EYA2: variants seen among roughly 807,000 people sequenced by gnomAD.
EYA2 encodes the protein protein phosphatase EYA2.
A neutral mutation model predicts 69.2 loss-of-function variants in EYA2; 31 were observed. That is an observed-to-expected ratio of 0.45 (90% confidence interval 0.34 to 0.60). The LOEUF (loss-of-function observed/expected upper bound fraction) is 0.60. Among genes scored for constraint, EYA2 ranks in the 20% least tolerant of loss-of-function variants. The probability of loss-of-function intolerance (pLI) is 0.02; values close to 1 mark genes in which losing one functional copy is unlikely to be tolerated. For missense variants in EYA2, 622 were observed against 701.2 expected, an observed-to-expected ratio of 0.89 and a Z score of 1.28; for synonymous variants, 257 against 279.4, an observed-to-expected ratio of 0.92 and a Z score of 0.80.
chr20:47,170,273 ATAAG>A (rs2034291578), intron 11 of EYA2, among the ~76,000 whole-genome samples: 1 of 152,134 alleles, frequency 6.6e-6, no homozygotes, highest in Non-Finnish European at 1.5e-5. Flanking sequence ...TCTCAAATGA[ATAAG>A]TGGTGTGTCT....
chr20:46,970,185 G>A (rs746108424), intron 1 of EYA2, among the ~76,000 whole-genome samples: 37 of 152,290 alleles, frequency 2.4e-4, no homozygotes, highest in Non-Finnish European at 4.0e-4. Context: ...ACTGAAGCGC[G>A]GTGAAAGTAC....
intron 1 of EYA2, among the ~76,000 whole-genome samples, chr20:46,929,241 T>G (rs954141265): frequency 1.3e-5 from 2 of 151,780 alleles, no homozygotes; most frequent in African/African-American, 2.4e-5. Context: ...CAAAACTAAC[T>G]TTGGAAGGAT....
chr20:47,057,498 A>C (rs6018248), intron 5 of EYA2, among the ~76,000 whole-genome samples: 49,357 of 142,418 alleles, frequency 0.35, 10,836 homozygotes, highest in African/African-American at 0.62. Context: ...TCTGCTGACT[A>C]CTTTTTATAT....
intron 5 of EYA2, among the ~76,000 whole-genome samples, chr20:47,063,176 C>T (rs961005613): frequency 7.9e-5 from 12 of 152,110 alleles, no homozygotes; most frequent in Admixed American, 2.6e-4. Flanking sequence ...ACATTTTCAT[C>T]GCCCCAAAAG....
intron 12 of EYA2, among the ~76,000 whole-genome samples, chr20:47,178,305 C>T (rs997969948): frequency 1.4e-4 from 20 of 145,436 alleles, no homozygotes; most frequent in African/African-American, 5.0e-4. Flanking sequence ...CACTGCACTC[C>T]AGCCTGGGTG....
rs143966436 is a variant in EYA2, at chr20:46,907,553, G to C, written c.-11+12566G>C. Among the ~76,000 whole-genome samples, 7 of 152,278 alleles carry C rather than the reference G, an allele frequency of 4.6e-5. No homozygotes were observed. The East Asian group carries it at 1.4e-3, about 29-fold the overall frequency. On this transcript the variant is annotated intron_variant, in intron 1 of 15. Transcript: ENST00000327619. ...TGGAGAGGAACACATAAAAACAAGC[G>C]TGAGGCCAGGCGCAGTGGCTCACAC... is the stretch of plus-strand genomic sequence containing the variant.
chr20:46,993,706 C>T (rs1488642593), intron 2 of EYA2, among the ~76,000 whole-genome samples: 2 of 152,148 alleles, frequency 1.3e-5, no homozygotes, highest in African/African-American at 2.4e-5. Flanking sequence ...GTATTTAGCA[C>T]GTTGCATAGT....
chr20:46,975,391 C>T (rs539162009), intron 1 of EYA2, among the ~76,000 whole-genome samples: 3 of 152,204 alleles, frequency 2.0e-5, no homozygotes, highest in South Asian at 2.1e-4. Context: ...AAGTTTTGGC[C>T]GGGCACAGTG....
chr20:47,119,653 G>A (rs964811843), intron 9 of EYA2, among the ~76,000 whole-genome samples: 3 of 152,180 alleles, frequency 2.0e-5, no homozygotes, highest in Non-Finnish European at 4.4e-5. Flanking sequence ...TAGGGACTGG[G>A]GGTAGTGGGG....
At chr20:47,152,750 G>A (rs1020908500) in intron 10 of EYA2, among the ~76,000 whole-genome samples, 10 of 151,418 alleles carry the variant, frequency 6.6e-5, no homozygotes, top group Non-Finnish European at 1.0e-4. Flanking sequence ...GGCAATGGTC[G>A]CGGTGAGCCG....
chr20:47,074,873 A>C (rs1600689363), intron 7 of EYA2, among the ~76,000 whole-genome samples: 2 of 152,146 alleles, frequency 1.3e-5, no homozygotes, highest in East Asian at 3.9e-4. Context: ...GCACTTTTGG[A>C]GGCTGAGGCG....
At chr20:47,149,461 T>C (rs1295377042) in intron 10 of EYA2, among the ~76,000 whole-genome samples, 2 of 151,934 alleles carry the variant, frequency 1.3e-5, no homozygotes, top group African/African-American at 4.8e-5. Flanking sequence ...CCCCATCCTC[T>C]TGGTTAAAAT....
chr20:47,055,376 G>T (rs1462498512), intron 5 of EYA2, among the ~76,000 whole-genome samples: 2 of 152,178 alleles, frequency 1.3e-5, no homozygotes, highest in Admixed American at 6.5e-5. Context: ...GTGATCCCCT[G>T]ATCTGTTTCC....
At chr20:46,906,665 A>C (rs1984372374) in intron 1 of EYA2, among the ~76,000 whole-genome samples, 1 of 152,222 alleles carries the variant, frequency 6.6e-6, no homozygotes, top group Non-Finnish European at 1.5e-5. Context: ...TACTATTCCC[A>C]GTTTAAGTGA....
At chr20:46,993,757 G>T (rs57414768) in intron 2 of EYA2, among the ~76,000 whole-genome samples, 1 of 152,122 alleles carries the variant, frequency 6.6e-6, no homozygotes, top group African/African-American at 2.4e-5. Flanking sequence ...AGGAGCATGA[G>T]GAATGCAAGA....
intron 4 of EYA2, among the ~76,000 whole-genome samples, chr20:47,012,792 C>A (rs1014142347): frequency 6.6e-6 from 1 of 152,158 alleles, no homozygotes; most frequent in East Asian, 1.9e-4. Flanking sequence ...CCGTACTGGG[C>A]CAAATTAAAA....
At chr20:47,157,944 A>G (rs747614274) in intron 10 of EYA2, among the ~76,000 whole-genome samples, 1 of 152,006 alleles carries the variant, frequency 6.6e-6, no homozygotes, top group Non-Finnish European at 1.5e-5. Flanking sequence ...ACATCACCCT[A>G]AAGCTGACAC....
chr20:47,156,253 G>A (rs2033950518), intron 10 of EYA2, among the ~76,000 whole-genome samples: 1 of 145,060 alleles, frequency 6.9e-6, no homozygotes, highest in Non-Finnish European at 1.5e-5. Flanking sequence ...AGAATTGCCT[G>A]AGCCCGGGAG....
At chr20:47,155,356 C>T (rs140698111) in intron 10 of EYA2, among the ~76,000 whole-genome samples, 1 of 151,930 alleles carries the variant, frequency 6.6e-6, no homozygotes. Context: ...TCTGAATGCA[C>T]CTTCTAGAAA....
Sources: gnomAD v4.1 joint callset for allele counts (sites outside exome capture counted in the v4.1 genomes callset) on GRCh38, gnomAD v4.1.1 for gene constraint, MANE v1.5 for transcripts, NCBI Gene and HGNC (gene_info 2026-07-23, HGNC 2026-07-21) for gene names.